Variants in ST18 observed in about 807,000 individuals in gnomAD.
ST18 encodes ST18 C2H2C-type zinc finger transcription factor, also known as suppression of tumorigenicity 18 protein.
ST18 carries 50 observed loss-of-function variants against 110.0 expected under a neutral mutation model. The observed-to-expected ratio is 0.45, with a 90% CI of 0.36 to 0.58. The LOEUF (loss-of-function observed/expected upper bound fraction) is 0.58, where lower values mean the gene tolerates loss of function less well. Ranked by LOEUF, ST18 falls within the 20% of genes least tolerant of loss-of-function variation. The probability of loss-of-function intolerance (pLI) is 0.00; values close to 1 mark genes in which losing one functional copy is unlikely to be tolerated. For synonymous variants in ST18, 461 were observed against 452.4 expected, an observed-to-expected ratio of 1.02 and a Z score of -0.24; for missense variants, 1,306 against 1,280.1, an observed-to-expected ratio of 1.02 and a Z score of -0.31.
intron 2 of ST18, among the ~76,000 whole-genome samples, chr8:52,279,413 T>C (rs2095333483): frequency 6.6e-6 from 1 of 152,088 alleles, no homozygotes; most frequent in Non-Finnish European, 1.5e-5. Flanking sequence ...TGAAAAGATT[T>C]GGAACACAGA....
At chr8:52,241,675 A>G (rs1475487670) in intron 2 of ST18, among the ~76,000 whole-genome samples, 1 of 152,262 alleles carries the variant, frequency 6.6e-6, no homozygotes, top group Non-Finnish European at 1.5e-5. Flanking sequence ...AACTGATTGC[A>G]CAGAACCTAA....
At chr8:52,329,764 AAAAAGAAAGAAACAAAAAAAG>A (rs1484904108) in intron 2 of ST18, among the ~76,000 whole-genome samples, 5 of 152,284 alleles carry the variant, frequency 3.3e-5, no homozygotes, top group Non-Finnish European at 7.3e-5. Flanking sequence ...CTGTCTAAAA[AAAAAGAAAGAAACAAAAAAAG>A]AAAAGAAAGA....
At chr8:52,144,738 GATA>G (rs1223708804) in intron 16 of ST18, among the ~76,000 whole-genome samples, 2 of 152,134 alleles carry the variant, frequency 1.3e-5, no homozygotes, top group African/African-American at 4.8e-5. Context: ...ATGTATGCTT[GATA>G]ATAATTCCAC....
chr8:52,289,409 C>T (rs1366456355), intron 2 of ST18, among the ~76,000 whole-genome samples: 4 of 152,110 alleles, frequency 2.6e-5, no homozygotes, highest in Non-Finnish European at 5.9e-5. Flanking sequence ...TCAGTGATTG[C>T]GCCACTGCAC....
intron 2 of ST18, among the ~76,000 whole-genome samples, chr8:52,326,080 T>C (rs1330500976): frequency 6.6e-6 from 1 of 152,116 alleles, no homozygotes; most frequent in African/African-American, 2.4e-5. Context: ...GGTAGAAAAA[T>C]ACAAAGCATA....
chr8:52,138,131 C>T (rs550193214), intron 17 of ST18, among the ~76,000 whole-genome samples: 3 of 146,796 alleles, frequency 2.0e-5, no homozygotes, highest in Admixed American at 6.8e-5. Context: ...AAGAAAAATA[C>T]ATATGTTATA....
At chr8:52,255,630 T>G (rs921122975) in intron 2 of ST18, among the ~76,000 whole-genome samples, 8 of 152,328 alleles carry the variant, frequency 5.3e-5, no homozygotes, top group Admixed American at 2.0e-4. Flanking sequence ...ACTTCAAGTC[T>G]ACTTATTTTT....
At chr8:52,303,539 G>A (rs74728850) in intron 2 of ST18, among the ~76,000 whole-genome samples, 1,695 of 152,272 alleles carry the variant, frequency 0.011, 36 homozygotes, top group African/African-American at 0.038. Flanking sequence ...GCGATTCAGC[G>A]GCAACACACC....
At chr8:52,170,273 C>T (rs866559426) in intron 10 of ST18, among the ~76,000 whole-genome samples, 8 of 152,068 alleles carry the variant, frequency 5.3e-5, no homozygotes, top group Non-Finnish European at 7.4e-5. Context: ...CCGGCCAACA[C>T]GGGGAAACCC....
At chr8:52,304,233 A>G (rs1342503378) in intron 2 of ST18, among the ~76,000 whole-genome samples, 1 of 152,250 alleles carries the variant, frequency 6.6e-6, no homozygotes, top group East Asian at 1.9e-4. Flanking sequence ...TAAAGTTATC[A>G]TATAAAATTC....
chr8:52,397,330 T>A (rs964694314), intron 2 of ST18, among the ~76,000 whole-genome samples: 1 of 152,226 alleles, frequency 6.6e-6, no homozygotes, highest in South Asian at 2.1e-4. Context: ...CATTGGGTTA[T>A]GTTTTTCTGC....
chr8:52,188,269 T>G (rs1354216461), intron 8 of ST18, among the ~76,000 whole-genome samples: 3 of 152,206 alleles, frequency 2.0e-5, no homozygotes, highest in African/African-American at 7.2e-5. Context: ...GAGTTTGAGA[T>G]CATGTGGTCA....
chr8:52,371,751 T>C (rs571954230), intron 2 of ST18, among the ~76,000 whole-genome samples: 2 of 151,956 alleles, frequency 1.3e-5, no homozygotes, highest in African/African-American at 4.8e-5. Flanking sequence ...TATAATGGAG[T>C]TGGAAAACTC....
chr8:52,184,601 T>C (rs1332853196), intron 8 of ST18, among the ~76,000 whole-genome samples: 3 of 152,182 alleles, frequency 2.0e-5, no homozygotes, highest in African/African-American at 7.2e-5. Context: ...AGAAGTCAAA[T>C]GTGTTGACCT....
At chr8:52,300,660 T>C (rs1429797241) in intron 2 of ST18, among the ~76,000 whole-genome samples, 3 of 152,224 alleles carry the variant, frequency 2.0e-5, no homozygotes, top group Non-Finnish European at 4.4e-5. Flanking sequence ...ATGAAAATTA[T>C]ATGAAATTTA....
chr8:52,229,537 A>T (rs2090677695), intron 3 of ST18, among the ~76,000 whole-genome samples: 1 of 152,186 alleles, frequency 6.6e-6, no homozygotes, highest in Non-Finnish European at 1.5e-5. Context: ...ATGGCGGGTA[A>T]TGTTGAGTCC....
chr8:52,177,064 G>A (rs2067217138), intron 9 of ST18, among the ~76,000 whole-genome samples: 1 of 152,176 alleles, frequency 6.6e-6, no homozygotes, highest in South Asian at 2.1e-4. Context: ...TTCCCCATGA[G>A]CTTGTGGTTA....
At chr8:52,316,419 A>G (rs914667715) in intron 2 of ST18, among the ~76,000 whole-genome samples, 2 of 152,256 alleles carry the variant, frequency 1.3e-5, no homozygotes, top group Non-Finnish European at 2.9e-5. Context: ...CTGTGACATT[A>G]GCAAACTTTA....
At chr8:52,189,079 C>T (rs537109658) in intron 8 of ST18, among the ~76,000 whole-genome samples, 9 of 152,296 alleles carry the variant, frequency 5.9e-5, no homozygotes, top group Admixed American at 2.0e-4. Context: ...TAGTCCCCTT[C>T]TCCCTGCATC....
Sources: allele counts gnomAD v4.1 joint callset (sites outside exome capture counted in the v4.1 genomes callset), GRCh38; gene constraint gnomAD v4.1.1; transcripts MANE v1.5; gene names NCBI Gene and HGNC (gene_info 2026-07-23, HGNC 2026-07-21).